RTN3: variants seen among roughly 807,000 people sequenced by gnomAD.
RTN3 encodes the protein reticulon 3.
In RTN3, 49 loss-of-function variants were observed where a neutral mutation model predicts 77.8. The observed-to-expected ratio is 0.63, with a 90% CI of 0.50 to 0.80. The LOEUF is 0.80. RTN3 is among the 30% of genes least tolerant of loss of function. The pLI is 0.00. For synonymous variants in RTN3, 464 were observed against 446.9 expected (o/e 1.04, Z -0.48); for missense variants, 1,236 against 1,211.9 (o/e 1.02, Z -0.29).
At chr11:63,716,976 A>G (rs1590826796) in intron 2 of RTN3, among the ~76,000 whole-genome samples, 1 of 108,200 alleles carries the variant, frequency 9.2e-6, no homozygotes, top group African/African-American at 3.1e-5. Flanking sequence ...CTCAAAAAAA[A>G]AACAAAAAAA....
chr11:63,721,834 T>C (rs987883420), intron 3 of RTN3, among the ~76,000 whole-genome samples: 2 of 152,140 alleles, frequency 1.3e-5, no homozygotes, highest in Non-Finnish European at 2.9e-5. Flanking sequence ...ATGAAACTTT[T>C]AATTAATGTG....
chr11:63,728,242 A>G (rs2012419811), intron 3 of RTN3, among the ~76,000 whole-genome samples: 1 of 152,218 alleles, frequency 6.6e-6, no homozygotes, highest in African/African-American at 2.4e-5. Context: ...AAGCTCTTTC[A>G]ATCTTTGGTG....
chr11:63,714,408 T>C (rs747722378), intron 2 of RTN3: 1 of 154,384 alleles, frequency 6.5e-6, no homozygotes, highest in Non-Finnish European at 1.4e-5. Flanking sequence ...TAGTAAGTTA[T>C]AATATTTTTA....
At chr11:63,693,880 G>A (rs894158772) in intron 1 of RTN3, among the ~76,000 whole-genome samples, 1 of 152,280 alleles carries the variant, frequency 6.6e-6, no homozygotes, top group African/African-American at 2.4e-5. Context: ...TCAGCACTTT[G>A]GGAGGCCAAG....
chr11:63,755,593 G>A (rs1247599372), intron 7 of RTN3, among the ~76,000 whole-genome samples: 8 of 145,184 alleles, frequency 5.5e-5, no homozygotes, highest in African/African-American at 2.1e-4. Flanking sequence ...GGAGGTTTCG[G>A]TGAGCCGAGA....
At chr11:63,755,980 A>C in intron 7 of RTN3, 132 bp from the exon 8 acceptor site, 1 of 658,034 alleles carries the variant, frequency 1.5e-6, no homozygotes, top group Non-Finnish European at 2.7e-6. Flanking sequence ...ACTTTTAAAA[A>C]CTGGGTGTTT....
intron 3 of RTN3, among the ~76,000 whole-genome samples, chr11:63,747,618 C>T (rs1434842707): frequency 6.6e-6 from 1 of 152,168 alleles, no homozygotes; most frequent in Non-Finnish European, 1.5e-5. Flanking sequence ...TTCTTTGGCT[C>T]TAGGAAGGTT....
intron 2 of RTN3, among the ~76,000 whole-genome samples, chr11:63,717,164 A>C (rs2011464075): frequency 6.6e-6 from 1 of 151,820 alleles, no homozygotes; most frequent in African/African-American, 2.4e-5. Flanking sequence ...ACCCTCTCTC[A>C]AATACAAACA....
chr11:63,720,497 A>G lies in RTN3; in HGVS notation c.1995A>G (p.Gly665=). Residue 665 remains glycine, a synonymous_variant, in exon 3 of 9, where the codon GGA becomes GGG. Coordinates refer to ENST00000377819, the MANE Select transcript of RTN3 (RefSeq NM_001265589.2). ...CCTTTACAGAAACCAGAGATAAAGG[A>G]ATAGTAGATAGTGAAAGAAATGCTT... is the stretch of plus-strand genomic sequence containing the variant. ...IAAFTETRDK[G]IVDSERNAFK... The G allele has an allele frequency of 6.2e-7, 1 of 1,613,916 alleles. No individual in the cohort carries two copies. The highest frequency in any genetic ancestry group is 1.7e-5 in the Admixed American group (1 of 59,988).
rs35837590 is a variant in RTN3, at chr11:63,683,943, C to CTTTTTTTTTTTTTTTTTTTTT, written c.142+2174_142+2194dup. Among the ~76,000 whole-genome samples, 13 of 58,944 alleles carry CTTTTTTTTTTTTTTTTTTTTT rather than the reference C, an allele frequency of 2.2e-4. 2 individuals carry two copies. The highest frequency in any genetic ancestry group is 4.5e-4 in the African/African-American group (6 of 13,352). The allele number at this position is 58,944 out of a possible 152,430, so 38.7% of individuals were successfully genotyped here. On this transcript the variant is annotated intron_variant, in intron 1 of 8. Coordinates refer to ENST00000377819, the MANE Select transcript of RTN3 (RefSeq NM_001265589.2). ...TATTTCTTTCTCTTTTCTTTTCTTT[C>CTTTTTTTTTTTTTTTTTTTTT]TTTTTTTTTTTTTTTTTTTTTTTTT...
rs35837590 is a variant in RTN3, at chr11:63,683,943, C to CTTTTTTTTTTTTTTTTT, written c.142+2178_142+2194dup. Among the ~76,000 whole-genome samples the CTTTTTTTTTTTTTTTTT allele has an allele frequency of 1.0e-3, 60 of 58,948 alleles. 5 individuals carry two copies. The highest frequency in any genetic ancestry group is 1.6e-3 in the African/African-American group (22 of 13,356). 38.7% of individuals were successfully genotyped at this position (58,948 alleles called of 152,430 possible). On this transcript the variant is annotated intron_variant, in intron 1 of 8. Transcript: ENST00000377819. Reference sequence around the variant, plus strand: ...TATTTCTTTCTCTTTTCTTTTCTTTCTTTTTTTTTTTTTTTTTTTTTTTTT... The same window carrying CTTTTTTTTTTTTTTTTT: ...TATTTCTTTCTCTTTTCTTTTCTTTCTTTTTTTTTTTTTTTTTTTTTTTTTTTTTTTTTTTTTTTTTT...
chr11:63,750,342 G>C (rs1450789799), intron 4 of RTN3, 144 bp downstream of exon 4: 8 of 688,104 alleles, frequency 1.2e-5, no homozygotes, highest in Non-Finnish European at 1.9e-5. Flanking sequence ...ATCCCCTAGA[G>C]ACCTTGAAAT....
chr11:63,758,674 A>C lies in RTN3; in HGVS notation c.*473A>C, dbSNP rs561443342. On this transcript the variant is annotated 3_prime_UTR_variant, in exon 9 of 9. Coordinates refer to ENST00000377819, the MANE Select transcript of RTN3 (RefSeq NM_001265589.2). ...TCCTTGGTTTTTTTTTGCAGCCCTC[A>C]AATCCTATCTTCCTGCCCCACAATG... 3.3e-6 allele frequency: 1 copy of C among 307,398 alleles called. No individual in the cohort carries two copies. The highest frequency in any genetic ancestry group is 5.9e-6 in the Non-Finnish European group (1 of 169,720). The allele number at this position is 307,398 out of a possible 1,614,324, so 19.0% of individuals were successfully genotyped here.
In RTN3 at chr11:63,726,590, C is replaced by T. The variant is rs543276345; in HGVS notation, c.2530+5558C>T. ...TGAAAGAAGTGAACTGGGCCGGGTGCAATGGCCCACGCCTGTAATCCCAGC... is the reference window on the plus strand; with the variant it reads ...TGAAAGAAGTGAACTGGGCCGGGTGTAATGGCCCACGCCTGTAATCCCAGC... On this transcript the variant is annotated intron_variant, in intron 3 of 8. Coordinates refer to ENST00000377819, the MANE Select transcript of RTN3 (RefSeq NM_001265589.2). Among the ~76,000 whole-genome samples the T allele has an allele frequency of 3.9e-5, 6 of 152,298 alleles. No individual in the cohort carries two copies. In the East Asian group the frequency reaches 1.2e-3, roughly 29 times the overall value.
intron 3 of RTN3, among the ~76,000 whole-genome samples, chr11:63,744,603 A>G (rs493672): frequency 0.018 from 2,682 of 152,258 alleles, 85 homozygotes; most frequent in African/African-American, 0.06. Context: ...ATGGGACTAC[A>G]GTCATATATG....
intron 2 of RTN3, among the ~76,000 whole-genome samples, chr11:63,712,573 C>T (rs1454844336): frequency 6.6e-6 from 1 of 151,216 alleles, no homozygotes; most frequent in African/African-American, 2.4e-5. Flanking sequence ...GCAATTTCCA[C>T]CTCCTGGGTT....
chr11:63,691,469 C>G (rs1384029921), intron 1 of RTN3, among the ~76,000 whole-genome samples: 7 of 151,964 alleles, frequency 4.6e-5, no homozygotes, highest in Non-Finnish European at 4.4e-5. Context: ...GTTGCCTAGG[C>G]TGGTATTGAA....
rs1219544903 is a variant in RTN3 at position 63,758,324 on chromosome 11, T to TA, written c.*125dup. 6.2e-7 allele frequency: 1 copy of TA among 1,612,524 alleles called. No homozygotes were observed. Among genetic ancestry groups the TA allele is most frequent in the Admixed American group, 1.7e-5 (1 of 59,820 alleles). On this transcript the variant is annotated 3_prime_UTR_variant, in exon 9 of 9. Transcript: ENST00000377819. ...GAGCCTGCATTCCAAGCTTTTTTTT[T>TA]AATTTGGTGTTTTCTCCCATCCTTT...
At chr11:63,726,586 G>A (rs142662155) in intron 3 of RTN3, among the ~76,000 whole-genome samples, 5 of 152,324 alleles carry the variant, frequency 3.3e-5, no homozygotes, top group African/African-American at 1.2e-4. Flanking sequence ...AACTGGGCCG[G>A]GTGCAATGGC....
Sources: allele counts gnomAD v4.1 joint callset (sites outside exome capture counted in the v4.1 genomes callset), GRCh38; gene constraint gnomAD v4.1.1; transcripts MANE v1.5; gene names NCBI Gene and HGNC (gene_info 2026-07-23, HGNC 2026-07-21).